EVL: variants seen among roughly 807,000 people sequenced by gnomAD.
EVL encodes Enah/Vasp-like.
EVL carries 21 observed loss-of-function variants against 59.6 expected under a neutral mutation model. That is an observed-to-expected ratio of 0.35 (90% CI 0.25 to 0.51). The LOEUF (loss-of-function observed/expected upper bound fraction) is 0.51, where lower values mean the gene tolerates loss of function less well. Among genes scored for constraint, EVL ranks in the 20% least tolerant of loss-of-function variants. The pLI is 0.97. For missense variants in EVL, 462 were observed against 546.6 expected (o/e 0.85, Z 1.54); for synonymous variants, 198 against 203.5 (o/e 0.97, Z 0.23).
chr14:100,045,962 A>G (rs2061539643), intron 1 of EVL, among the ~76,000 whole-genome samples: 1 of 152,248 alleles, frequency 6.6e-6, no homozygotes, highest in Non-Finnish European at 1.5e-5. Context: ...TTAGAGCAGT[A>G]GGTCACCCAG....
At chr14:99,995,235 C>T (rs2060905572) in intron 1 of EVL, among the ~76,000 whole-genome samples, 1 of 152,100 alleles carries the variant, frequency 6.6e-6, no homozygotes, top group Non-Finnish European at 1.5e-5. Context: ...TTGTCTTTTT[C>T]TTTGTATTCT....
At chr14:100,125,353 TACTC>T (rs1415543445) in intron 4 of EVL, among the ~76,000 whole-genome samples, 1 of 151,916 alleles carries the variant, frequency 6.6e-6, no homozygotes, top group South Asian at 2.1e-4. Flanking sequence ...GGGCAAGACT[TACTC>T]AGTGACGCAG....
At chr14:100,072,514 G>C (rs2062070217) in intron 1 of EVL, among the ~76,000 whole-genome samples, 1 of 152,134 alleles carries the variant, frequency 6.6e-6, no homozygotes, top group Non-Finnish European at 1.5e-5. Context: ...GGATTACATG[G>C]GTAAGTTTTA....
intron 1 of EVL, among the ~76,000 whole-genome samples, chr14:100,056,708 C>T (rs1357156142): frequency 6.6e-6 from 1 of 152,148 alleles, no homozygotes; most frequent in Admixed American, 6.5e-5. Context: ...GGGAGTACCT[C>T]AGGGCAGGGT....
rs778976610 is a variant in EVL at position 100,129,473 on chromosome 14, G to A, written c.718-90G>A. 85 of 1,570,024 alleles carry A rather than the reference G, an allele frequency of 5.4e-5. No homozygotes were observed. The Admixed American group carries it at 5.8e-4, about 11-fold the overall frequency. On this transcript the variant is annotated intron_variant, in intron 6 of 13. Coordinates refer to ENST00000392920, the MANE Select transcript of EVL (RefSeq NM_016337.3). ...AGTGCTGCTGCCATAGGATTCACACGCACACAGTCCCCTGCATCCCCTCAC... is the reference window on the plus strand; with the variant it reads ...AGTGCTGCTGCCATAGGATTCACACACACACAGTCCCCTGCATCCCCTCAC...
Position 99,993,126 on chromosome 14 carries a change from C to T in EVL, c.5+21069C>T, listed in dbSNP as rs1187791488. On this transcript the variant is annotated intron_variant, in intron 1 of 13. Coordinates refer to the EVL transcript ENST00000402714. ...AGGCTGGAGTGCAGTGGCATGATTT[C>T]GGCTCACTGCAACCTCTGCCTGCCA... Among the ~76,000 whole-genome samples, 5 of 138,630 alleles carry T rather than the reference C, an allele frequency of 3.6e-5. No individual in the cohort carries two copies. The South Asian group carries it at 6.7e-4, about 19-fold the overall frequency. The allele number at this position is 138,630 out of a possible 152,430, so 90.9% of individuals were successfully genotyped here. A position where few individuals can be genotyped will look rare whatever the true frequency, so the allele number is the denominator to read the frequency against.
intron 1 of EVL, among the ~76,000 whole-genome samples, chr14:100,005,478 C>G (rs1272357836): frequency 6.6e-6 from 1 of 152,044 alleles, no homozygotes; most frequent in African/African-American, 2.4e-5. Context: ...TAAGTATGTC[C>G]TGGTCCCTCA....
chr14:99,982,771 A>C (rs753816139), intron 1 of EVL, among the ~76,000 whole-genome samples: 4 of 152,232 alleles, frequency 2.6e-5, no homozygotes, highest in Non-Finnish European at 5.9e-5. Context: ...CTTCTTAAAA[A>C]GAATTTGAGT....
At chr14:100,037,296 G>T (rs2061402756) in intron 1 of EVL, among the ~76,000 whole-genome samples, 1 of 152,228 alleles carries the variant, frequency 6.6e-6, no homozygotes, top group African/African-American at 2.4e-5. Context: ...CCAAGGTGTA[G>T]CATCCAGATA....
At chr14:100,084,248 T>C (rs1212542934) in intron 1 of EVL, among the ~76,000 whole-genome samples, 1 of 152,010 alleles carries the variant, frequency 6.6e-6, no homozygotes, top group African/African-American at 2.4e-5. Flanking sequence ...AGGGGGCATC[T>C]CACCATGTTG....
intron 1 of EVL, among the ~76,000 whole-genome samples, chr14:100,070,090 A>G (rs1387741124): frequency 6.6e-6 from 1 of 151,800 alleles, no homozygotes; most frequent in African/African-American, 2.4e-5. Flanking sequence ...GAAAGAAAGA[A>G]AATAAAATTA....
In EVL at chr14:99,972,338, C is replaced by T. The variant is rs1336395358; in HGVS notation, c.5+281C>T. Among the ~76,000 whole-genome samples, 1 of 152,058 alleles carries T rather than the reference C, an allele frequency of 6.6e-6. No individual in the cohort carries two copies. Among genetic ancestry groups the T allele is most frequent in the Non-Finnish European group, 1.5e-5 (1 of 67,974 alleles). Reference sequence around the variant, plus strand: ...CGCTGGCTTTGGCTGCTTGTGGGGTCCTCTTAGGCTCCGGGGGGCCTGCGG... The same window carrying T: ...CGCTGGCTTTGGCTGCTTGTGGGGTTCTCTTAGGCTCCGGGGGGCCTGCGG... On this transcript the variant is annotated intron_variant, in intron 1 of 13. Transcript: ENST00000402714. The surrounding 1 kb of genome is among the most constrained non-coding windows in gnomAD (Gnocchi z 4.4).
At chr14:100,138,148 C>T in intron 11 of EVL, 2 of 394,416 alleles carry the variant, frequency 5.1e-6, no homozygotes. Flanking sequence ...AAAGTGAGGT[C>T]TGTTAACCCC....
At chr14:100,113,030 A>G (rs1307162359) in intron 3 of EVL, among the ~76,000 whole-genome samples, 1 of 152,224 alleles carries the variant, frequency 6.6e-6, no homozygotes, top group East Asian at 1.9e-4. Context: ...CAGAGAACAC[A>G]GGGCTTCTTG....
At chr14:100,040,481 G>A (rs1461289444) in intron 1 of EVL, among the ~76,000 whole-genome samples, 1 of 152,154 alleles carries the variant, frequency 6.6e-6, no homozygotes, top group Non-Finnish European at 1.5e-5. Context: ...GAGTGTGGCT[G>A]CTCGTCTGCC....
intron 3 of EVL, among the ~76,000 whole-genome samples, chr14:100,122,181 A>C (rs4900454): frequency 6.6e-6 from 1 of 152,178 alleles, no homozygotes; most frequent in Non-Finnish European, 1.5e-5. Flanking sequence ...CTTGCACACC[A>C]TCCAAGGGCA....
chr14:100,079,687 T>G (rs2062249705), intron 1 of EVL, among the ~76,000 whole-genome samples: 1 of 152,190 alleles, frequency 6.6e-6, no homozygotes, highest in South Asian at 2.1e-4. Flanking sequence ...TTTATGAATT[T>G]ACACTCTGTC....
At chr14:100,084,238 A>T (rs1474307289) in intron 1 of EVL, among the ~76,000 whole-genome samples, 1 of 151,762 alleles carries the variant, frequency 6.6e-6, no homozygotes, top group Non-Finnish European at 1.5e-5. Context: ...TTTTAGAGGC[A>T]GGGGGCATCT....
At chr14:100,029,114 G>A (rs948990300) in intron 1 of EVL, among the ~76,000 whole-genome samples, 2 of 152,188 alleles carry the variant, frequency 1.3e-5, no homozygotes, top group Admixed American at 6.5e-5. Flanking sequence ...TTCAAATGCC[G>A]TGTTTTAAAA....
Sources: allele counts gnomAD v4.1 joint callset (sites outside exome capture counted in the v4.1 genomes callset), GRCh38; gene constraint gnomAD v4.1.1; non-coding constraint Gnocchi (gnomAD v3.1); transcripts MANE v1.5; gene names NCBI Gene and HGNC (gene_info 2026-07-23, HGNC 2026-07-21).